TAFA1: variants seen among roughly 807,000 people sequenced by gnomAD.
The protein encoded by TAFA1 is TAFA chemokine like family member 1, also known as chemokine-like protein TAFA-1.
A neutral mutation model predicts 18.5 loss-of-function variants in TAFA1; 4 were observed. The ratio of observed to expected loss-of-function variants is 0.22; its 90% CI spans 0.11 to 0.49. The LOEUF is 0.49. Ranked by LOEUF, TAFA1 falls within the 20% of genes least tolerant of loss-of-function variation. The pLI is 0.98. For missense variants in TAFA1, 147 were observed against 169.0 expected (o/e 0.87, Z 0.72); for synonymous variants, 56 against 55.2 (o/e 1.01, Z -0.06).
At chr3:68,387,536 A>T (rs2070131043) in intron 2 of TAFA1, among the ~76,000 whole-genome samples, 1 of 152,164 alleles carries the variant, frequency 6.6e-6, no homozygotes, top group Non-Finnish European at 1.5e-5. Flanking sequence ...TCCATGTTCA[A>T]CCTTCAACAA....
chr3:68,531,253 CCT>C (rs2073184744), intron 3 of TAFA1, among the ~76,000 whole-genome samples: 1 of 152,040 alleles, frequency 6.6e-6, no homozygotes, highest in Non-Finnish European at 1.5e-5. Context: ...GATTCTGCCT[CCT>C]CAGAAGAAAG....
chr3:68,544,746 C>T lies in TAFA1; in HGVS notation c.*243C>T, dbSNP rs921768558. 2.3e-5 allele frequency: 9 copies of T among 383,956 alleles called. No individual in the cohort carries two copies. Among genetic ancestry groups the T allele is most frequent in the Non-Finnish European group, 4.2e-5 (9 of 212,832 alleles). The allele number at this position is 383,956 out of a possible 1,614,324, so 23.8% of individuals were successfully genotyped here. On this transcript the variant is annotated 3_prime_UTR_variant, in exon 5 of 5. Transcript: ENST00000478136. ...TTTTCTCAGTGAAATTTTTGGGCAT[C>T]ATGAAGAACGATCAACTATCTTCTA...
chr3:68,369,504 G>A (rs1399379422), intron 2 of TAFA1, among the ~76,000 whole-genome samples: 4 of 152,248 alleles, frequency 2.6e-5, no homozygotes, highest in Non-Finnish European at 4.4e-5. Context: ...TATTTATGAG[G>A]TCCACATCTT....
At chr3:68,418,146 T>G (rs934608466) in intron 3 of TAFA1, among the ~76,000 whole-genome samples, 1 of 152,168 alleles carries the variant, frequency 6.6e-6, no homozygotes, top group Non-Finnish European at 1.5e-5. Context: ...AATATTTTCA[T>G]GCGCATCCGT....
chr3:68,424,269 G>A (rs2071013644), intron 3 of TAFA1, among the ~76,000 whole-genome samples: 1 of 151,942 alleles, frequency 6.6e-6, no homozygotes, highest in African/African-American at 2.4e-5. Flanking sequence ...CAGAGAAGAT[G>A]AGACAGACCA....
intron 2 of TAFA1, among the ~76,000 whole-genome samples, chr3:68,104,480 A>G (rs1399548273): frequency 6.6e-6 from 1 of 152,130 alleles, no homozygotes; most frequent in African/African-American, 2.4e-5. Context: ...TAGAATATAT[A>G]TAGTCTGCTT....
intron 3 of TAFA1, among the ~76,000 whole-genome samples, chr3:68,474,062 A>G (rs866140689): frequency 7.7e-6 from 1 of 129,624 alleles, no homozygotes; most frequent in East Asian, 2.6e-4. Flanking sequence ...CCCCCCCCCA[A>G]GTAAATAAAA....
At chr3:68,237,843 A>T (rs2066946340) in intron 2 of TAFA1, among the ~76,000 whole-genome samples, 1 of 152,220 alleles carries the variant, frequency 6.6e-6, no homozygotes. Flanking sequence ...AGATTAGAGT[A>T]TCAAGAGATT....
chr3:68,072,682 C>T (rs1330701723), intron 2 of TAFA1, among the ~76,000 whole-genome samples: 1 of 152,038 alleles, frequency 6.6e-6, no homozygotes, highest in Admixed American at 6.6e-5. Context: ...ATGGTGACAC[C>T]ACAGAGATAA....
At chr3:68,257,171 A>G (rs1013164757) in intron 2 of TAFA1, among the ~76,000 whole-genome samples, 35 of 151,918 alleles carry the variant, frequency 2.3e-4, no homozygotes, top group African/African-American at 7.0e-4. Context: ...TCTGCCATTC[A>G]CACTTTCTAT....
intron 2 of TAFA1, among the ~76,000 whole-genome samples, chr3:68,014,036 A>G (rs1349816820): frequency 2.0e-5 from 3 of 152,204 alleles, no homozygotes; most frequent in Non-Finnish European, 4.4e-5. Context: ...TTTACTATGC[A>G]GTTACTAGAC....
intron 3 of TAFA1, among the ~76,000 whole-genome samples, chr3:68,509,121 T>G (rs17047788): frequency 1.5e-4 from 23 of 152,062 alleles, no homozygotes; most frequent in African/African-American, 5.3e-4. Context: ...TAATATTCAT[T>G]GAGCACTTGG....
At chr3:68,517,263 T>A (rs1413194859) in intron 3 of TAFA1, among the ~76,000 whole-genome samples, 4 of 152,248 alleles carry the variant, frequency 2.6e-5, no homozygotes, top group Non-Finnish European at 4.4e-5. Context: ...ATTGTTGTAT[T>A]TATTTTTATA....
chr3:68,393,713 G>A (rs1017761390), intron 2 of TAFA1, among the ~76,000 whole-genome samples: 1 of 151,988 alleles, frequency 6.6e-6, no homozygotes, highest in South Asian at 2.1e-4. Flanking sequence ...TTCAACATAT[G>A]CAAATCAATA....
At chr3:68,534,122 G>A (rs1200528255) in intron 3 of TAFA1, among the ~76,000 whole-genome samples, 1 of 152,092 alleles carries the variant, frequency 6.6e-6, no homozygotes, top group Non-Finnish European at 1.5e-5. Context: ...ATTTGCATCT[G>A]TAGAGGAAAA....
intron 2 of TAFA1, among the ~76,000 whole-genome samples, chr3:68,020,204 A>T (rs1025083719): frequency 6.6e-6 from 1 of 152,190 alleles, no homozygotes; most frequent in African/African-American, 2.4e-5. Flanking sequence ...ATCTTTGGAA[A>T]TTGGGCAAAG....
intron 2 of TAFA1, among the ~76,000 whole-genome samples, chr3:68,226,256 C>T (rs1391832446): frequency 1.3e-5 from 2 of 152,148 alleles, no homozygotes; most frequent in Non-Finnish European, 2.9e-5. Flanking sequence ...CACTCATGGG[C>T]AGGCTGATAT....
intron 2 of TAFA1, among the ~76,000 whole-genome samples, chr3:68,173,474 G>C (rs1223404518): frequency 6.6e-6 from 1 of 152,156 alleles, no homozygotes; most frequent in African/African-American, 2.4e-5. Context: ...CATTATGTCT[G>C]ATGAAATGTC....
intron 3 of TAFA1, among the ~76,000 whole-genome samples, chr3:68,432,223 G>A (rs1000926186): frequency 4.0e-5 from 6 of 151,792 alleles, no homozygotes; most frequent in South Asian, 2.1e-4. Flanking sequence ...CAGGAGAAGT[G>A]GTGGTCTCAT....
Sources: gnomAD v4.1 joint callset for allele counts (sites outside exome capture counted in the v4.1 genomes callset) on GRCh38, gnomAD v4.1.1 for gene constraint, MANE v1.5 for transcripts, NCBI Gene and HGNC (gene_info 2026-07-23, HGNC 2026-07-21) for gene names.